Variants in LINGO2 observed in about 807,000 individuals in gnomAD.
LINGO2 encodes leucine rich repeat and Ig domain containing 2, also known as leucine-rich repeat and immunoglobulin-like domain-containing nogo receptor-interacting protein 2.
A neutral mutation model predicts 30.6 loss-of-function variants in LINGO2; 14 were observed. The observed-to-expected ratio is 0.46, with a 90% CI of 0.30 to 0.72. The LOEUF is 0.72. Among genes scored for constraint, LINGO2 ranks in the 30% least tolerant of loss-of-function variants. The pLI, the probability that LINGO2 is intolerant of heterozygous loss-of-function variation, is 0.07. For missense variants in LINGO2, 729 were observed against 751.7 expected (o/e 0.97, Z 0.35); for synonymous variants, 317 against 288.5 (o/e 1.10, Z -1.00).
intron 1 of LINGO2, among the ~76,000 whole-genome samples, chr9:28,545,892 T>C (rs1821913683): frequency 6.6e-6 from 1 of 152,058 alleles, no homozygotes; most frequent in African/African-American, 2.4e-5. Flanking sequence ...TGAGTAAACT[T>C]TTAAATTGTA....
intron 4 of LINGO2, among the ~76,000 whole-genome samples, chr9:28,081,542 A>G (rs1431899622): frequency 2.6e-5 from 4 of 152,224 alleles, no homozygotes; most frequent in Admixed American, 2.6e-4. Flanking sequence ...ATTACAATTT[A>G]TGGTCACTTT....
At chr9:28,057,246 G>C (rs1018436572) in intron 4 of LINGO2, among the ~76,000 whole-genome samples, 1 of 151,410 alleles carries the variant, frequency 6.6e-6, no homozygotes, top group South Asian at 2.1e-4. Flanking sequence ...CACATTTAAC[G>C]CATTTGGCAA....
intron 4 of LINGO2, among the ~76,000 whole-genome samples, chr9:28,037,478 A>G (rs1823992351): frequency 6.6e-6 from 1 of 152,190 alleles, no homozygotes; most frequent in Admixed American, 6.5e-5. Flanking sequence ...CCTTTAAAAA[A>G]AAAGTCTTCT....
At chr9:28,091,784 T>A (rs1166029312) in intron 4 of LINGO2, among the ~76,000 whole-genome samples, 1 of 151,850 alleles carries the variant, frequency 6.6e-6, no homozygotes, top group Non-Finnish European at 1.5e-5. Flanking sequence ...TGGGAGAAAA[T>A]TTTTGCAATC....
the LINGO2 span, among the ~76,000 whole-genome samples, chr9:28,990,860 C>A: frequency 6.6e-6 from 1 of 152,138 alleles, no homozygotes; most frequent in Non-Finnish European, 1.5e-5. Context: ...ATCTGTACAT[C>A]ACCATCATCA....
At chr9:28,737,512 G>T in the LINGO2 span, among the ~76,000 whole-genome samples, 86 of 152,272 alleles carry the variant, frequency 5.6e-4, 1 homozygote, top group African/African-American at 2.0e-3. Flanking sequence ...TACAGATGAA[G>T]AAATTGACAT....
At chr9:29,189,183 C>T in the LINGO2 span, among the ~76,000 whole-genome samples, 2 of 144,444 alleles carry the variant, frequency 1.4e-5, no homozygotes, top group African/African-American at 2.6e-5. Context: ...GGCGGCTGGC[C>T]AGGCAGAGGG....
chr9:28,861,137 T>TA, the LINGO2 span, among the ~76,000 whole-genome samples: 34 of 115,990 alleles, frequency 2.9e-4, no homozygotes, highest in African/African-American at 8.0e-4. Context: ...ATTATATAAA[T>TA]TTTTATATAA....
the LINGO2 span, among the ~76,000 whole-genome samples, chr9:28,878,657 A>T: frequency 6.6e-6 from 1 of 152,218 alleles, no homozygotes; most frequent in Admixed American, 6.6e-5. Flanking sequence ...AGTGGGCTTC[A>T]TCCCTGGGAT....
chr9:28,339,987 T>C (rs1825713971), intron 3 of LINGO2, among the ~76,000 whole-genome samples: 1 of 152,172 alleles, frequency 6.6e-6, no homozygotes, highest in East Asian at 1.9e-4. Flanking sequence ...CCCTCCATTA[T>C]CCTGCTTCAC....
At chr9:28,526,070 A>AAAAAAAAAAAAAAAAAAAC (rs1821024489) in intron 1 of LINGO2, among the ~76,000 whole-genome samples, 1 of 150,480 alleles carries the variant, frequency 6.6e-6, no homozygotes, top group Non-Finnish European at 1.5e-5. Flanking sequence ...AAAAAAAAAA[A>AAAAAAAAAAAAAAAAAAAC]AAAAAAGCCA....
chr9:28,752,942 G>T, the LINGO2 span, among the ~76,000 whole-genome samples: 1 of 151,962 alleles, frequency 6.6e-6, no homozygotes, highest in Non-Finnish European at 1.5e-5. Flanking sequence ...TTTGAAAAAG[G>T]TAACTGTGTC....
At chr9:28,474,275 C>T (rs1223906762) in intron 2 of LINGO2, among the ~76,000 whole-genome samples, 1 of 152,124 alleles carries the variant, frequency 6.6e-6, no homozygotes, top group African/African-American at 2.4e-5. Context: ...TTTTATTTCA[C>T]AGGAGGCCAG....
At chr9:28,789,191 G>A in the LINGO2 span, among the ~76,000 whole-genome samples, 1 of 152,008 alleles carries the variant, frequency 6.6e-6, no homozygotes, top group African/African-American at 2.4e-5. Context: ...GGCATGAGTA[G>A]AAATGAAATA....
the LINGO2 span, among the ~76,000 whole-genome samples, chr9:28,983,883 C>T: frequency 4.6e-4 from 70 of 152,008 alleles, no homozygotes; most frequent in African/African-American, 1.6e-3. Context: ...AAGATAGCAC[C>T]ATACACTGAT....
the LINGO2 span, among the ~76,000 whole-genome samples, chr9:28,938,316 C>G: frequency 6.6e-6 from 1 of 152,152 alleles, no homozygotes; most frequent in Non-Finnish European, 1.5e-5. Context: ...AACATGCTTT[C>G]TCATTTTTTA....
chr9:29,125,896 A>C, the LINGO2 span, among the ~76,000 whole-genome samples: 9 of 152,142 alleles, frequency 5.9e-5, no homozygotes, highest in African/African-American at 2.2e-4. Context: ...ATTCATATTT[A>C]CTTATAACTA....
At chr9:28,226,704 A>G (rs988923947) in intron 4 of LINGO2, among the ~76,000 whole-genome samples, 5 of 150,492 alleles carry the variant, frequency 3.3e-5, no homozygotes, top group Admixed American at 2.0e-4. Context: ...AGAAAGAAAG[A>G]GAAAGAGAAA....
the LINGO2 span, among the ~76,000 whole-genome samples, chr9:28,766,825 A>AGG: frequency 8.3e-5 from 2 of 24,030 alleles, no homozygotes; most frequent in African/African-American, 4.9e-4. Flanking sequence ...AGAGAGAGAG[A>AGG]GAGAAGGAGA....
Sources: gnomAD v4.1 joint callset for allele counts (sites outside exome capture counted in the v4.1 genomes callset) on GRCh38, gnomAD v4.1.1 for gene constraint, MANE v1.5 for transcripts, NCBI Gene and HGNC (gene_info 2026-07-23, HGNC 2026-07-21) for gene names.